RGS6: variants seen among roughly 807,000 people sequenced by gnomAD.
RGS6 encodes regulator of G protein signaling 6.
Under a neutral mutation model 78.5 loss-of-function variants are expected in RGS6, and 30 were observed. The observed-to-expected ratio is 0.38, with a 90% CI of 0.29 to 0.52. The LOEUF is 0.52. Ranked by LOEUF, RGS6 falls within the 20% of genes least tolerant of loss-of-function variation. RGS6 has a pLI of 0.85. For synonymous variants in RGS6, 206 were observed against 206.0 expected (o/e 1.00, Z 0.00); for missense variants, 495 against 609.7 (o/e 0.81, Z 1.98).
chr14:72,180,557 A>G (rs756321025), intron 2 of RGS6, among the ~76,000 whole-genome samples: 3 of 152,264 alleles, frequency 2.0e-5, no homozygotes, highest in South Asian at 2.1e-4. Context: ...GTGATGCTCC[A>G]TATCTATTTA....
At chr14:72,102,868 G>T (rs1481063545) in intron 2 of RGS6, among the ~76,000 whole-genome samples, 1 of 151,988 alleles carries the variant, frequency 6.6e-6, no homozygotes. Context: ...AAGTCTACTC[G>T]TTCGTGAAAT....
At chr14:72,204,430 C>A (rs1416829394) in intron 2 of RGS6, among the ~76,000 whole-genome samples, 1 of 152,168 alleles carries the variant, frequency 6.6e-6, no homozygotes, top group African/African-American at 2.4e-5. Context: ...GCTATGTGAC[C>A]TTAGGCAGGT....
At chr14:72,061,399 G>A (rs542359189) in intron 2 of RGS6, among the ~76,000 whole-genome samples, 15 of 152,232 alleles carry the variant, frequency 9.9e-5, no homozygotes, top group Non-Finnish European at 2.2e-4. Flanking sequence ...TACACTCAGG[G>A]AGCTTGTGAT....
At chr14:72,242,834 C>CTTTTTTTT (rs2053223634) in intron 2 of RGS6, among the ~76,000 whole-genome samples, 1 of 87,842 alleles carries the variant, frequency 1.1e-5, no homozygotes, top group Non-Finnish European at 2.3e-5. Context: ...AACTTCATTT[C>CTTTTTTTT]TTTTCTTTTT....
the RGS6 span, among the ~76,000 whole-genome samples, chr14:72,576,554 A>G: frequency 6.6e-6 from 1 of 152,200 alleles, no homozygotes; most frequent in Admixed American, 6.5e-5. Flanking sequence ...CATTTTAGCT[A>G]TTTGGAACAG....
chr14:72,234,248 G>A (rs534640126), intron 2 of RGS6, among the ~76,000 whole-genome samples: 11 of 151,984 alleles, frequency 7.2e-5, no homozygotes, highest in Non-Finnish European at 1.5e-4. Context: ...CTGTACCTCA[G>A]AGGGGTAACC....
chr14:72,519,974 G>T (rs899686107), intron 15 of RGS6, among the ~76,000 whole-genome samples: 2 of 152,060 alleles, frequency 1.3e-5, no homozygotes, highest in African/African-American at 4.8e-5. Context: ...TTTAACACTT[G>T]GAAAAGTGGA....
chr14:72,185,170 GTTC>G (rs1418979088), intron 2 of RGS6, among the ~76,000 whole-genome samples: 2 of 152,060 alleles, frequency 1.3e-5, no homozygotes, highest in African/African-American at 2.4e-5. Context: ...GTCCTTCCAT[GTTC>G]TTCTGCTTGC....
the RGS6 span, among the ~76,000 whole-genome samples, chr14:72,572,133 A>G: frequency 2.4e-4 from 36 of 152,324 alleles, no homozygotes; most frequent in African/African-American, 8.2e-4. Context: ...TGGGATGGCT[A>G]TAATAAAAAA....
At chr14:72,467,010 ATCTT>A (rs2095934700) in intron 7 of RGS6, among the ~76,000 whole-genome samples, 2 of 141,610 alleles carry the variant, frequency 1.4e-5, no homozygotes, top group Non-Finnish European at 2.9e-5. Flanking sequence ...TTCCTTCTCT[ATCTT>A]TCTTCATAAG....
chr14:72,185,331 A>G (rs927437673), intron 2 of RGS6, among the ~76,000 whole-genome samples: 18 of 152,094 alleles, frequency 1.2e-4, no homozygotes, highest in African/African-American at 4.3e-4. Flanking sequence ...GCATTCTTCA[A>G]TCTAATCAAG....
the RGS6 span, chr14:72,619,910 G>T: frequency 6.5e-7 from 1 of 1,532,698 alleles, no homozygotes. Flanking sequence ...TACCTTCTGG[G>T]GGCTCAGCCA....
intron 2 of RGS6, among the ~76,000 whole-genome samples, chr14:71,984,316 A>C (rs1349256024): frequency 3.5e-5 from 4 of 113,084 alleles, no homozygotes; most frequent in East Asian, 2.9e-4. Context: ...AAAAAAAAAA[A>C]AAAAAACAAA....
At chr14:72,034,290 A>G (rs1194032062) in intron 2 of RGS6, among the ~76,000 whole-genome samples, 2 of 152,078 alleles carry the variant, frequency 1.3e-5, no homozygotes, top group African/African-American at 4.8e-5. Flanking sequence ...ATTAAGTTTG[A>G]TGTTAGCTGT....
chr14:72,186,416 T>C (rs1354933871), intron 2 of RGS6, among the ~76,000 whole-genome samples: 2 of 152,240 alleles, frequency 1.3e-5, no homozygotes, highest in Non-Finnish European at 2.9e-5. Context: ...CATCTGAGGC[T>C]TTGATGTGTT....
intron 2 of RGS6, among the ~76,000 whole-genome samples, chr14:72,236,219 A>G (rs979821116): frequency 6.6e-6 from 1 of 152,242 alleles, no homozygotes. Context: ...CCCTGCACCC[A>G]TCACGTACAT....
chr14:72,329,060 G>A (rs1272615567), intron 2 of RGS6, among the ~76,000 whole-genome samples: 1 of 152,078 alleles, frequency 6.6e-6, no homozygotes, highest in East Asian at 1.9e-4. Context: ...TTTTAGTAGA[G>A]ATGGCGTTTC....
chr14:71,871,404 A>G, the RGS6 span, among the ~76,000 whole-genome samples: 18 of 152,102 alleles, frequency 1.2e-4, no homozygotes, highest in Non-Finnish European at 2.5e-4. Context: ...TTATTCCCCA[A>G]ATGATTTCCA....
intron 17 of RGS6, among the ~76,000 whole-genome samples, chr14:72,557,830 G>A (rs565545593): frequency 3.3e-5 from 5 of 152,144 alleles, no homozygotes; most frequent in African/African-American, 7.2e-5. Flanking sequence ...GTTCTGTTGC[G>A]AGTTCGAATT....
Sources: gnomAD v4.1 joint callset for allele counts (sites outside exome capture counted in the v4.1 genomes callset) on GRCh38, gnomAD v4.1.1 for gene constraint, MANE v1.5 for transcripts, NCBI Gene and HGNC (gene_info 2026-07-23, HGNC 2026-07-21) for gene names.